The following SMIM31 variants were observed in gnomAD, a reference collection of about 807,000 sequenced individuals.
The protein encoded by SMIM31 is small integral membrane protein 31.
At chr4:164,773,447 A>G (rs1190811346) in intron 2 of SMIM31, among the ~76,000 whole-genome samples, 3 of 152,222 alleles carry the variant, frequency 2.0e-5, no homozygotes, top group Admixed American at 6.5e-5. Flanking sequence ...CAGGAAACTT[A>G]CAATCGTGGT....
intron 2 of SMIM31, among the ~76,000 whole-genome samples, chr4:164,778,570 ACTG>A (rs1341093360): frequency 6.6e-6 from 1 of 152,212 alleles, no homozygotes; most frequent in Non-Finnish European, 1.5e-5. Flanking sequence ...TTGAGTGTTC[ACTG>A]TCTGCCAAGC....
At chr4:164,782,201 A>C (rs2110946341) in intron 2 of SMIM31, among the ~76,000 whole-genome samples, 1 of 151,226 alleles carries the variant, frequency 6.6e-6, no homozygotes, top group Admixed American at 6.6e-5. Flanking sequence ...GAGGCAGGAG[A>C]ATCGCTTGAA....
At chr4:164,768,080 A>C (rs1272260088) in intron 1 of SMIM31, among the ~76,000 whole-genome samples, 1 of 150,700 alleles carries the variant, frequency 6.6e-6, no homozygotes, top group Non-Finnish European at 1.5e-5. Flanking sequence ...AAAAAAAATC[A>C]AAAAATTCGC....
At chr4:164,755,203 G>A (rs1026530470) in intron 1 of SMIM31, among the ~76,000 whole-genome samples, 8 of 151,532 alleles carry the variant, frequency 5.3e-5, no homozygotes, top group Non-Finnish European at 1.0e-4. Context: ...GCCACAGCCA[G>A]GCACGGTGGC....
chr4:164,755,867 A>G (rs1030907626), intron 1 of SMIM31, among the ~76,000 whole-genome samples: 1 of 152,172 alleles, frequency 6.6e-6, no homozygotes, highest in Admixed American at 6.5e-5. Context: ...TTGTTCAAAC[A>G]TAGAGAAAAA....
At chr4:164,794,787 G>A (rs1295257830) in intron 2 of SMIM31, among the ~76,000 whole-genome samples, 2 of 151,686 alleles carry the variant, frequency 1.3e-5, no homozygotes, top group Non-Finnish European at 2.9e-5. Context: ...CCTGGCAACA[G>A]AGCAAGACTC....
rs112075456 is a variant in SMIM31 at position 164,785,636 on chromosome 4, T to TTG, written c.112+15095_112+15096dup. Among the ~76,000 whole-genome samples, 21 of 150,686 alleles carry TTG rather than the reference T, an allele frequency of 1.4e-4. 1 individual carries two copies. The East Asian group carries it at 2.1e-3, about 15-fold the overall frequency. ...TATATTTACATAATCTTTAAACTTA[T>TTG]TGTGTGTGTGTGTGTATATATATAT... On this transcript the variant is annotated intron_variant, in intron 2 of 2. Transcript: ENST00000507311.
intron 1 of SMIM31, among the ~76,000 whole-genome samples, chr4:164,767,303 G>A (rs1352604695): frequency 6.6e-6 from 1 of 152,076 alleles, no homozygotes; most frequent in Non-Finnish European, 1.5e-5. Context: ...ACATATCAAG[G>A]TAACCAGGCT....
At chr4:164,762,662 C>CAAAAAAAAAAAAA (rs1162067333) in intron 1 of SMIM31, among the ~76,000 whole-genome samples, 61 of 100,014 alleles carry the variant, frequency 6.1e-4, no homozygotes, top group Middle Eastern at 5.1e-3. Context: ...GACTCTGTCT[C>CAAAAAAAAAAAAA]AAAAAAAAAA....
At chr4:164,800,905 C>T (rs1438647374) in intron 2 of SMIM31, among the ~76,000 whole-genome samples, 186 bp from the exon 3 acceptor site, 1 of 152,158 alleles carries the variant, frequency 6.6e-6, no homozygotes, top group Non-Finnish European at 1.5e-5. Flanking sequence ...GTTCACTAGT[C>T]TCTTCTCAGT....
intron 2 of SMIM31, among the ~76,000 whole-genome samples, chr4:164,796,565 A>G (rs759995600): frequency 7.2e-5 from 11 of 152,194 alleles, no homozygotes; most frequent in Non-Finnish European, 1.6e-4. Context: ...TCTGCTCAGC[A>G]TGCCTACTTC....
At chr4:164,783,231 A>AC (rs1732981992) in intron 2 of SMIM31, among the ~76,000 whole-genome samples, 5 of 144,160 alleles carry the variant, frequency 3.5e-5, no homozygotes, top group South Asian at 2.3e-4. Context: ...AAAAAAAAAA[A>AC]AGGAATTTCT....
chr4:164,760,662 C>T (rs992946509), intron 1 of SMIM31, among the ~76,000 whole-genome samples: 5 of 145,404 alleles, frequency 3.4e-5, no homozygotes, highest in African/African-American at 1.3e-4. Context: ...ATCACTGGAA[C>T]CTGGAAAGTG....
intron 2 of SMIM31, among the ~76,000 whole-genome samples, chr4:164,771,794 G>A (rs1291126455): frequency 6.6e-6 from 1 of 152,098 alleles, no homozygotes; most frequent in Non-Finnish European, 1.5e-5. Flanking sequence ...GAGTGACAGA[G>A]AAAGACTCTG....
At chr4:164,764,970 C>T (rs1277141678) in intron 1 of SMIM31, among the ~76,000 whole-genome samples, 3 of 152,192 alleles carry the variant, frequency 2.0e-5, no homozygotes, top group African/African-American at 4.8e-5. Context: ...AGTTCCTCAT[C>T]ACTAGAGGAA....
At position 164,756,440 on chromosome 4, in the gene SMIM31, T is replaced by C. The variant is rs189915327; in HGVS notation, c.-26+2029T>C. Among the ~76,000 whole-genome samples the C allele has an allele frequency of 4.0e-3, 609 of 151,726 alleles. 8 individuals carry two copies. The highest frequency in any genetic ancestry group is 0.028 in the East Asian group (144 of 5,144). ...AAAAAAAATTAGCCAGGTGTGGTGG[T>C]GGGCGCCTGTAGTTCCAGCTACTCA... On this transcript the variant is annotated intron_variant, in intron 1 of 2. Transcript: ENST00000507311.
chr4:164,774,489 T>C (rs1732855386), intron 2 of SMIM31, among the ~76,000 whole-genome samples: 1 of 152,194 alleles, frequency 6.6e-6, no homozygotes, highest in South Asian at 2.1e-4. Flanking sequence ...GTGAAGTGAA[T>C]GCCAAAGAAG....
intron 2 of SMIM31, among the ~76,000 whole-genome samples, chr4:164,773,175 A>G (rs906103926): frequency 2.0e-5 from 3 of 152,140 alleles, no homozygotes; most frequent in Non-Finnish European, 4.4e-5. Flanking sequence ...AAATTAGGGT[A>G]GGAAAAAATG....
At chr4:164,757,033 C>A (rs987222459) in intron 1 of SMIM31, among the ~76,000 whole-genome samples, 4 of 151,976 alleles carry the variant, frequency 2.6e-5, no homozygotes, top group Admixed American at 6.6e-5. Context: ...ATTTTAACAC[C>A]CTAACATTGT....
Sources: allele counts gnomAD v4.1 joint callset (sites outside exome capture counted in the v4.1 genomes callset), GRCh38; gene constraint gnomAD v4.1.1; transcripts MANE v1.5; gene names NCBI Gene and HGNC (gene_info 2026-07-23, HGNC 2026-07-21).